The following TP63 variants were observed in gnomAD, a reference collection of about 807,000 sequenced individuals.
TP63 encodes tumor protein 63.
Under a neutral mutation model 82.8 loss-of-function variants are expected in TP63, and 17 were observed. The observed-to-expected ratio is 0.21, with a 90% confidence interval of 0.14 to 0.31. TP63 has a LOEUF of 0.31. Ranked by LOEUF, TP63 falls within the 10% of genes least tolerant of loss-of-function variation. The pLI is 1.00. For missense variants in TP63, 648 were observed against 895.3 expected (o/e 0.72, Z 3.52); for synonymous variants, 330 against 321.7 (o/e 1.03, Z -0.28).
chr3:189,735,059 A>G (rs1425375714), intron 1 of TP63, among the ~76,000 whole-genome samples: 2 of 152,190 alleles, frequency 1.3e-5, no homozygotes, highest in African/African-American at 4.8e-5. Context: ...AAGGTTGCGA[A>G]TGACCTCCTT....
chr3:189,833,931 G>A (rs1245552793), intron 4 of TP63, among the ~76,000 whole-genome samples: 1 of 152,186 alleles, frequency 6.6e-6, no homozygotes, highest in African/African-American at 2.4e-5. Context: ...CTTTTGAAAA[G>A]TGCATAGGAA....
intron 1 of TP63, among the ~76,000 whole-genome samples, chr3:189,729,355 C>T (rs1445598065): frequency 1.3e-5 from 2 of 151,990 alleles, no homozygotes; most frequent in Non-Finnish European, 2.9e-5. Context: ...GGTTGGACTG[C>T]ACAGTAAAAG....
chr3:189,706,942 C>G (rs1718248112), intron 1 of TP63, among the ~76,000 whole-genome samples: 1 of 151,020 alleles, frequency 6.6e-6, no homozygotes, highest in South Asian at 2.1e-4. Flanking sequence ...GCTGAAAGAT[C>G]CCCATGCTGT....
intron 1 of TP63, among the ~76,000 whole-genome samples, chr3:189,701,292 G>A (rs546280795): frequency 2.6e-5 from 4 of 152,134 alleles, no homozygotes; most frequent in African/African-American, 9.6e-5. Flanking sequence ...GTCTGTTTCT[G>A]TGAAGATGTG....
intron 1 of TP63, among the ~76,000 whole-genome samples, chr3:189,646,798 G>T (rs1031472841): frequency 6.8e-6 from 1 of 147,514 alleles, no homozygotes; most frequent in Non-Finnish European, 1.5e-5. Flanking sequence ...GAGGCTACAC[G>T]TAGTTGCTGG....
chr3:189,891,359 AG>A (rs1164096901), intron 13 of TP63, among the ~76,000 whole-genome samples: 1 of 152,232 alleles, frequency 6.6e-6, no homozygotes, highest in Non-Finnish European at 1.5e-5. Context: ...GTAAGCTTAC[AG>A]TCTTTAACTT....
the TP63 span, among the ~76,000 whole-genome samples, chr3:189,611,091 A>G: frequency 1.3e-5 from 2 of 152,128 alleles, no homozygotes; most frequent in Non-Finnish European, 2.9e-5. Context: ...GGACACAGCC[A>G]AGCCATATCA....
Position 189,682,546 on chromosome 3 carries a change from AAAAAAAAATATATATATATATAT to A in TP63, c.62+50971_62+50993del, listed in dbSNP as rs1206492016. On this transcript the variant is annotated intron_variant, in intron 1 of 13. Coordinates refer to ENST00000264731, the MANE Select transcript of TP63 (RefSeq NM_003722.5). Reference sequence around the variant, plus strand: ...ACTTGGTCCTAAGGGGAAAAAAAAAAAAAAAAAATATATATATATATATATATATATATATATATATATATATA... The same window carrying A: ...ACTTGGTCCTAAGGGGAAAAAAAAAAATATATATATATATATATATATATA... 3.4e-4 allele frequency among the ~76,000 whole-genome samples: 13 copies of A among 37,796 alleles called. 1 individual carries two copies. Among genetic ancestry groups the A allele is most frequent in the African/African-American group, 4.5e-4 (8 of 17,630 alleles). The allele number at this position is 37,796 out of a possible 152,430, so 24.8% of individuals were successfully genotyped here. A position where few individuals can be genotyped will look rare whatever the true frequency, so the allele number is the denominator to read the frequency against.
chr3:189,829,433 C>G (rs1362356762), intron 4 of TP63, among the ~76,000 whole-genome samples: 1 of 152,198 alleles, frequency 6.6e-6, no homozygotes, highest in Non-Finnish European at 1.5e-5. Flanking sequence ...AATCTACTTT[C>G]CCTATATGTC....
intron 3 of TP63, among the ~76,000 whole-genome samples, chr3:189,785,574 A>G (rs1207645832): frequency 6.6e-6 from 1 of 152,100 alleles, no homozygotes; most frequent in Non-Finnish European, 1.5e-5. Flanking sequence ...ATTTGAATAT[A>G]TCGGGAAAGC....
chr3:189,627,559 A>C (rs1729347731), upstream of TP63, among the ~76,000 whole-genome samples: 1 of 152,226 alleles, frequency 6.6e-6, no homozygotes, highest in African/African-American at 2.4e-5. Context: ...AAGAATAAAA[A>C]TTTAGCTCTT....
chr3:189,770,458 G>A (rs371110564), intron 3 of TP63, among the ~76,000 whole-genome samples: 8 of 151,840 alleles, frequency 5.3e-5, no homozygotes, highest in East Asian at 1.9e-4. Context: ...CCAGCTGCTC[G>A]GGGGGCTGAG....
At chr3:189,722,766 C>T (rs1719492470) in intron 1 of TP63, among the ~76,000 whole-genome samples, 1 of 152,166 alleles carries the variant, frequency 6.6e-6, no homozygotes, top group Non-Finnish European at 1.5e-5. Flanking sequence ...GATCAATGCC[C>T]AGCATGCAGT....
chr3:189,853,763 T>C (rs1715942421), intron 4 of TP63, among the ~76,000 whole-genome samples: 1 of 152,226 alleles, frequency 6.6e-6, no homozygotes. Context: ...TTTGTCTTTG[T>C]TTAATGCTGA....
chr3:189,638,114 G>T (rs1001279221), intron 1 of TP63, among the ~76,000 whole-genome samples: 2 of 152,084 alleles, frequency 1.3e-5, no homozygotes, highest in Admixed American at 1.3e-4. Context: ...CTGCAGAACG[G>T]CAAGATACTA....
chr3:189,784,030 CGGGA>C (rs1489659401), intron 3 of TP63, among the ~76,000 whole-genome samples: 1 of 151,756 alleles, frequency 6.6e-6, no homozygotes, highest in Non-Finnish European at 1.5e-5. Context: ...TACATAAACA[CGGGA>C]GGAAGACCAT....
At chr3:189,890,708 G>A in intron 12 of TP63, 81 bp from the exon 13 acceptor site, 1 of 1,341,924 alleles carries the variant, frequency 7.5e-7, no homozygotes, top group Non-Finnish European at 1.1e-6. Flanking sequence ...AATATATTGG[G>A]TTTTCCCTTA....
chr3:189,672,989 T>C (rs1715058438), intron 1 of TP63, among the ~76,000 whole-genome samples: 1 of 152,044 alleles, frequency 6.6e-6, no homozygotes. Context: ...TGCAGACTCC[T>C]GCCACCACGC....
chr3:189,619,802 T>C, the TP63 span, among the ~76,000 whole-genome samples: 3 of 152,228 alleles, frequency 2.0e-5, no homozygotes, highest in South Asian at 4.1e-4. Context: ...CCTCAGTAAA[T>C]TGTATAGCAA....
Sources: gnomAD v4.1 joint callset for allele counts (sites outside exome capture counted in the v4.1 genomes callset) on GRCh38, gnomAD v4.1.1 for gene constraint, MANE v1.5 for transcripts, NCBI Gene and HGNC (gene_info 2026-07-23, HGNC 2026-07-21) for gene names.